DOK6: variants seen among roughly 807,000 people sequenced by gnomAD.
DOK6 encodes the protein docking protein 6, also known as downstream of tyrosine kinase 6.
DOK6 carries 22 observed loss-of-function variants against 44.0 expected under a neutral mutation model. The observed-to-expected ratio is 0.50, with a 90% CI of 0.36 to 0.71. The LOEUF (loss-of-function observed/expected upper bound fraction) is 0.71. DOK6 is among the 30% of genes least tolerant of loss of function. The probability of loss-of-function intolerance (pLI) is 0.00; values close to 1 mark genes in which losing one functional copy is unlikely to be tolerated. For missense variants in DOK6, 340 were observed against 416.4 expected, an observed-to-expected ratio of 0.82 and a Z score of 1.60; for synonymous variants, 166 against 145.5, an observed-to-expected ratio of 1.14 and a Z score of -1.01.
rs141748514 is a variant in DOK6 at position 69,645,759 on chromosome 18, C to A, written c.290-31975C>A. Among the ~76,000 whole-genome samples the A allele has an allele frequency of 4.6e-3, 702 of 152,224 alleles. 3 individuals are homozygous for A. Among genetic ancestry groups the A allele is most frequent in the Non-Finnish European group, 5.7e-3 (390 of 68,008 alleles). ...TTCATAGCAGCTTTACTTGTAATAT[C>A]CTAAAACTGAAACAATCAAGTTGTT... On this transcript the variant is annotated intron_variant, in intron 3 of 7. Transcript: ENST00000382713.
chr18:69,835,623 C>T (rs146686231), intron 7 of DOK6, among the ~76,000 whole-genome samples: 140 of 152,272 alleles, frequency 9.2e-4, no homozygotes, highest in Middle Eastern at 3.4e-3. Flanking sequence ...GCAGCCTGCC[C>T]GCTCCTTTTT....
chr18:69,611,948 T>TTACACA (rs1159433410), intron 3 of DOK6, among the ~76,000 whole-genome samples: 3 of 30,808 alleles, frequency 9.7e-5, no homozygotes, highest in Non-Finnish European at 1.2e-4. Flanking sequence ...TATATAAAAC[T>TTACACA]TACACACACA....
intron 1 of DOK6, among the ~76,000 whole-genome samples, chr18:69,517,054 A>G (rs1450885770): frequency 6.6e-6 from 1 of 152,132 alleles, no homozygotes; most frequent in Non-Finnish European, 1.5e-5. Context: ...TTTAAACAAC[A>G]AAAGTTTGAA....
At chr18:69,790,485 T>G (rs1313286329) in intron 7 of DOK6, among the ~76,000 whole-genome samples, 1 of 152,200 alleles carries the variant, frequency 6.6e-6, no homozygotes, top group Non-Finnish European at 1.5e-5. Flanking sequence ...GTCTAGAATG[T>G]GTTTATAATT....
intron 3 of DOK6, chr18:69,661,026 T>G (rs1334291008): frequency 2.0e-5 from 3 of 152,202 alleles, no homozygotes; most frequent in Non-Finnish European, 4.4e-5. Flanking sequence ...CAGCAGATGC[T>G]GAAAGTCTGA....
intron 1 of DOK6, among the ~76,000 whole-genome samples, chr18:69,443,338 C>T (rs1336771841): frequency 2.0e-5 from 3 of 152,128 alleles, no homozygotes; most frequent in Non-Finnish European, 4.4e-5. Flanking sequence ...ACAGTGGTCA[C>T]GTGTGTGGAG....
At chr18:69,556,572 T>C (rs1292852403) in intron 1 of DOK6, among the ~76,000 whole-genome samples, 1 of 152,254 alleles carries the variant, frequency 6.6e-6, no homozygotes, top group Non-Finnish European at 1.5e-5. Context: ...GCCAGAACTT[T>C]GTTTCCATAA....
intron 1 of DOK6, among the ~76,000 whole-genome samples, chr18:69,484,588 C>T (rs1201640123): frequency 6.6e-6 from 1 of 152,128 alleles, no homozygotes; most frequent in Admixed American, 6.6e-5. Flanking sequence ...GTTCTCAGAG[C>T]CTCAGGTCAC....
At chr18:69,685,123 A>T (rs1159250398) in intron 4 of DOK6, among the ~76,000 whole-genome samples, 2 of 152,204 alleles carry the variant, frequency 1.3e-5, no homozygotes, top group African/African-American at 4.8e-5. Context: ...CATTTGACAG[A>T]AAATTAACGC....
intron 1 of DOK6, among the ~76,000 whole-genome samples, chr18:69,407,711 A>G (rs1465007016): frequency 6.6e-6 from 1 of 152,234 alleles, no homozygotes; most frequent in Non-Finnish European, 1.5e-5. Context: ...AAGAGCAGAA[A>G]TTAATAAAGA....
At chr18:69,731,176 C>G (rs891702091) in intron 5 of DOK6, among the ~76,000 whole-genome samples, 1 of 152,016 alleles carries the variant, frequency 6.6e-6, no homozygotes, top group Non-Finnish European at 1.5e-5. Context: ...GTAATAAATT[C>G]AAAAGTTCTT....
chr18:69,415,284 G>T (rs182338979), intron 1 of DOK6, among the ~76,000 whole-genome samples: 7 of 152,214 alleles, frequency 4.6e-5, no homozygotes, highest in Admixed American at 3.3e-4. Context: ...CTTCCTTCCT[G>T]TATGGAAAAT....
intron 7 of DOK6, among the ~76,000 whole-genome samples, chr18:69,783,812 A>T (rs142679685): frequency 6.6e-6 from 1 of 152,180 alleles, no homozygotes; most frequent in East Asian, 1.9e-4. Flanking sequence ...ATATCATTTA[A>T]TTTTTCAAAA....
At chr18:69,421,651 C>T (rs371519873) in intron 1 of DOK6, among the ~76,000 whole-genome samples, 6 of 152,138 alleles carry the variant, frequency 3.9e-5, no homozygotes, top group African/African-American at 7.2e-5. Flanking sequence ...TCTTTGGGGA[C>T]GACTTCTTTT....
intron 6 of DOK6, among the ~76,000 whole-genome samples, chr18:69,743,560 C>T (rs2144741588): frequency 6.6e-6 from 1 of 152,136 alleles, no homozygotes; most frequent in East Asian, 1.9e-4. Flanking sequence ...CACACACATG[C>T]ACATTAAATG....
At chr18:69,835,258 C>T (rs1256565187) in intron 7 of DOK6, among the ~76,000 whole-genome samples, 1 of 152,074 alleles carries the variant, frequency 6.6e-6, no homozygotes, top group Non-Finnish European at 1.5e-5. Context: ...GTCAGGAGAT[C>T]AAGACCATCT....
At chr18:69,609,483 C>CAAAAAAAAAATAAATA (rs147856604) in intron 3 of DOK6, among the ~76,000 whole-genome samples, 1 of 145,530 alleles carries the variant, frequency 6.9e-6, no homozygotes, top group African/African-American at 2.7e-5. Flanking sequence ...ATGGCTATTA[C>CAAAAAAAAAATAAATA]AAGAAATAAA....
intron 7 of DOK6, among the ~76,000 whole-genome samples, chr18:69,840,560 A>C (rs1043315330): frequency 6.6e-6 from 1 of 152,228 alleles, no homozygotes; most frequent in Non-Finnish European, 1.5e-5. Flanking sequence ...GCAGGGGTGC[A>C]GCTGAACAAC....
intron 4 of DOK6, among the ~76,000 whole-genome samples, chr18:69,692,231 G>A (rs2144697241): frequency 6.6e-6 from 1 of 152,246 alleles, no homozygotes; most frequent in South Asian, 2.1e-4. Context: ...CCATTTATTT[G>A]AGACTTTAAA....
Sources: gnomAD v4.1 joint callset for allele counts (sites outside exome capture counted in the v4.1 genomes callset) on GRCh38, gnomAD v4.1.1 for gene constraint, MANE v1.5 for transcripts, NCBI Gene and HGNC (gene_info 2026-07-23, HGNC 2026-07-21) for gene names.